Variants in NSD3 observed in about 807,000 individuals in gnomAD.
The protein encoded by NSD3 is histone-lysine N-methyltransferase NSD3.
NSD3 carries 24 observed loss-of-function variants against 160.8 expected under a neutral mutation model. That is an observed-to-expected ratio of 0.15 (90% CI 0.11 to 0.21). The LOEUF (loss-of-function observed/expected upper bound fraction) is 0.21, where lower values mean the gene tolerates loss of function less well. NSD3 is among the 10% of genes least tolerant of loss of function. The pLI, the probability that NSD3 is intolerant of heterozygous loss-of-function variation, is 1.00. For synonymous variants in NSD3, 520 were observed against 600.0 expected, an observed-to-expected ratio of 0.87 and a Z score of 1.95; for missense variants, 1,157 against 1,735.9, an observed-to-expected ratio of 0.67 and a Z score of 5.93.
chr8:38,364,194 T>C (rs899965925), intron 1 of NSD3, among the ~76,000 whole-genome samples: 1 of 152,152 alleles, frequency 6.6e-6, no homozygotes, highest in African/African-American at 2.4e-5. Flanking sequence ...GGACGATCGC[T>C]TGAACCTGGG....
intron 1 of NSD3, among the ~76,000 whole-genome samples, chr8:38,376,335 C>A (rs1229816613): frequency 1.3e-5 from 2 of 152,080 alleles, no homozygotes; most frequent in African/African-American, 4.8e-5. Flanking sequence ...AGATCTCTTG[C>A]CTCACTGCAG....
At chr8:38,276,522 T>C (rs779164233) in intron 22 of NSD3, 22 bp from the exon 23 acceptor site, 3 of 1,613,520 alleles carry the variant, frequency 1.9e-6, no homozygotes, top group South Asian at 2.2e-5. Flanking sequence ...GAAAGGATCA[T>C]AGTTTCAAAC....
chr8:38,356,881 G>C (rs997529767), intron 1 of NSD3, among the ~76,000 whole-genome samples: 4 of 151,966 alleles, frequency 2.6e-5, no homozygotes, highest in Non-Finnish European at 5.9e-5. Flanking sequence ...CACTTTGGGA[G>C]GGTGAGGTGG....
intron 14 of NSD3, chr8:38,303,450 T>C (rs1809322477): frequency 2.1e-6 from 2 of 971,336 alleles, no homozygotes; most frequent in Admixed American, 6.2e-5. Flanking sequence ...GACAGTCACA[T>C]GTGCTTATAA....
At chr8:38,304,455 C>G (rs1484288192) in intron 14 of NSD3, 132 bp downstream of exon 14, 1 of 725,168 alleles carries the variant, frequency 1.4e-6, no homozygotes, top group Non-Finnish European at 2.2e-6. Context: ...GGATATATTA[C>G]AGTGGAATTC....
intron 2 of NSD3, among the ~76,000 whole-genome samples, chr8:38,346,416 G>GTATA (rs993759952): frequency 1.4e-5 from 2 of 147,290 alleles, no homozygotes; most frequent in Non-Finnish European, 1.5e-5. Context: ...GTATATATGT[G>GTATA]TATATATATA....
chr8:38,346,303 T>C (rs1810526768), intron 2 of NSD3, among the ~76,000 whole-genome samples: 1 of 147,734 alleles, frequency 6.8e-6, no homozygotes. Flanking sequence ...ATATAGTATA[T>C]ATAGTATATG....
Position 38,331,137 on chromosome 8 carries a change from C to G in NSD3, c.1065+294G>C, listed in dbSNP as rs191102867. On this transcript the variant is annotated intron_variant, in intron 5 of 23. Transcript: ENST00000317025. ...AAGAGTAAAAATCCCTGGCAAAAATCCACATTTCACTAGCATCTGGTACAC... is the reference window on the plus strand; with the variant it reads ...AAGAGTAAAAATCCCTGGCAAAAATGCACATTTCACTAGCATCTGGTACAC... 4.6e-5 allele frequency among the ~76,000 whole-genome samples: 7 copies of G among 152,198 alleles called. No homozygotes were observed. In the East Asian group the frequency reaches 1.4e-3, roughly 29 times the overall value.
intron 1 of NSD3, among the ~76,000 whole-genome samples, chr8:38,370,302 T>C (rs1431888756): frequency 4.0e-5 from 6 of 151,788 alleles, no homozygotes; most frequent in South Asian, 2.1e-4. Flanking sequence ...TGTTTCTAAA[T>C]CAAATTTGAA....
chr8:38,323,112 T>C (rs1474936749), intron 7 of NSD3, among the ~76,000 whole-genome samples: 3 of 152,196 alleles, frequency 2.0e-5, no homozygotes, highest in East Asian at 3.8e-4. Context: ...TGGAGTGCAA[T>C]GGCGCGATCT....
chr8:38,369,720 G>C (rs1242138793), intron 1 of NSD3, among the ~76,000 whole-genome samples: 1 of 152,200 alleles, frequency 6.6e-6, no homozygotes, highest in African/African-American at 2.4e-5. Context: ...GTAAAGTGAA[G>C]TGGGGATAGG....
intron 7 of NSD3, among the ~76,000 whole-genome samples, chr8:38,322,228 A>G (rs571673991): frequency 4.6e-5 from 7 of 152,340 alleles, no homozygotes; most frequent in Admixed American, 4.6e-4. Context: ...AGCCAAAATG[A>G]AGGATCCCAC....
rs1810061300 is a variant in NSD3 at position 38,331,552 on chromosome 8, T to C, written c.944A>G (p.Asn315Ser). 1 of 1,613,492 alleles carries C rather than the reference T, an allele frequency of 6.2e-7. No individual in the cohort carries two copies. The highest frequency in any genetic ancestry group is 1.3e-5 in the African/African-American group (1 of 74,930). The change falls in exon 5 of 24, where the codon AAC becomes AGC. Residue 315 changes from asparagine (N) to serine (S), a missense_variant. Asn to Ser is a conservative substitution (Grantham distance 46, BLOSUM62 1). This residue lies in a region of NSD3 where 0 missense variants were observed against 18.7 expected (regional missense o/e 0.00). Coordinates refer to ENST00000317025, the MANE Select transcript of NSD3 (RefSeq NM_023034.2). ...AREYHVQFFS[N>S]QPERAWVHEK... ...ATGAACCCACGCCCTCTCTGGCTGG[T>C]TGCTAAAAAACTGGACATGATATTC...
chr8:38,362,348 GGC>G (rs1354502114), intron 1 of NSD3, among the ~76,000 whole-genome samples: 2 of 138,980 alleles, frequency 1.4e-5, no homozygotes, highest in African/African-American at 2.6e-5. Context: ...AAATATCACA[GGC>G]TGTTTTTTAA....
Position 38,343,516 on chromosome 8 carries a change from A to G in NSD3, c.675+3981T>C, listed in dbSNP as rs1810431878. On this transcript the variant is annotated intron_variant, in intron 2 of 23. Transcript: ENST00000317025. ...TCAGGGGTTCGCGACCAGCCTGGCCAACATAATGAAACCCCATCTCTACTA... is the reference window on the plus strand; with the variant it reads ...TCAGGGGTTCGCGACCAGCCTGGCCGACATAATGAAACCCCATCTCTACTA... Among the ~76,000 whole-genome samples the G allele has an allele frequency of 2.0e-5, 3 of 152,256 alleles. No homozygotes were observed. In the South Asian group the frequency reaches 6.2e-4, roughly 32 times the overall value.
intron 2 of NSD3, among the ~76,000 whole-genome samples, chr8:38,344,649 GAAC>G (rs879853587): frequency 2.0e-5 from 3 of 151,996 alleles, no homozygotes; most frequent in Non-Finnish European, 4.4e-5. Context: ...AGCTTTTAAG[GAAC>G]AACAACAACA....
chr8:38,377,941 C>CA (rs1008057016), intron 1 of NSD3, among the ~76,000 whole-genome samples: 20 of 151,322 alleles, frequency 1.3e-4, no homozygotes, highest in South Asian at 2.1e-4. Context: ...AAAAAACAAA[C>CA]AAAAAAACAA....
intron 19 of NSD3, among the ~76,000 whole-genome samples, chr8:38,282,704 G>A (rs1368168090): frequency 6.6e-6 from 1 of 152,074 alleles, no homozygotes; most frequent in African/African-American, 2.4e-5. Flanking sequence ...AAAAAGGAAT[G>A]TTTTATAATG....
chr8:38,302,265 T>G (rs1471156229), intron 14 of NSD3, among the ~76,000 whole-genome samples: 1 of 152,250 alleles, frequency 6.6e-6, no homozygotes, highest in Non-Finnish European at 1.5e-5. Flanking sequence ...CCTTTCTGTG[T>G]GTGGATTTAT....
Sources: allele counts gnomAD v4.1 joint callset (sites outside exome capture counted in the v4.1 genomes callset), GRCh38; gene constraint gnomAD v4.1.1; regional missense constraint gnomAD v4.1.1; transcripts MANE v1.5; gene names NCBI Gene and HGNC (gene_info 2026-07-23, HGNC 2026-07-21).